Variants in USP12 observed in about 807,000 individuals in gnomAD.
USP12 encodes the protein ubiquitin carboxyl-terminal hydrolase 12.
In USP12, 19 loss-of-function variants were observed where a neutral mutation model predicts 45.5. The observed-to-expected ratio is 0.42, with a 90% CI of 0.29 to 0.61. USP12 has a LOEUF of 0.61. Among genes scored for constraint, USP12 ranks in the 20% least tolerant of loss-of-function variants. USP12 has a pLI of 0.22. For missense variants in USP12, 242 were observed against 447.7 expected, an observed-to-expected ratio of 0.54 and a Z score of 4.15; for synonymous variants, 149 against 148.8, an observed-to-expected ratio of 1.00 and a Z score of -0.01.
intron 1 of USP12, among the ~76,000 whole-genome samples, chr13:27,124,132 CAACT>C (rs1037132996): frequency 5.9e-5 from 9 of 152,140 alleles, no homozygotes; most frequent in African/African-American, 2.2e-4. Flanking sequence ...GGAAAACATA[CAACT>C]AACTACCTTT....
chr13:27,090,623 T>C (rs1265406856), intron 4 of USP12, among the ~76,000 whole-genome samples: 1 of 152,216 alleles, frequency 6.6e-6, no homozygotes, highest in African/African-American at 2.4e-5. Context: ...AAATTTAATA[T>C]AAAGTTTTGT....
intron 1 of USP12, among the ~76,000 whole-genome samples, chr13:27,121,493 T>C (rs893931114): frequency 6.6e-6 from 1 of 151,918 alleles, no homozygotes; most frequent in African/African-American, 2.4e-5. Context: ...AGTCAAAAAT[T>C]ACAAAAACAC....
chr13:27,087,775 C>A (rs757497921), intron 6 of USP12, among the ~76,000 whole-genome samples: 2 of 152,130 alleles, frequency 1.3e-5, no homozygotes, highest in Non-Finnish European at 2.9e-5. Flanking sequence ...CTGGGCACAT[C>A]AAGAAGAGAG....
At chr13:27,170,372 A>T (rs1878534756) in intron 1 of USP12, 5 of 398,410 alleles carry the variant, frequency 1.3e-5, no homozygotes, top group Non-Finnish European at 2.2e-5. Flanking sequence ...TAGATGGAAA[A>T]TTTCTTGGGG....
chr13:27,080,464 T>C (rs1873698439), intron 6 of USP12, among the ~76,000 whole-genome samples: 1 of 152,162 alleles, frequency 6.6e-6, no homozygotes, highest in Non-Finnish European at 1.5e-5. Context: ...ACTGTGGCCA[T>C]GACAATGTGA....
intron 6 of USP12, among the ~76,000 whole-genome samples, chr13:27,082,374 G>A (rs2137761758): frequency 6.6e-6 from 1 of 152,252 alleles, no homozygotes; most frequent in Middle Eastern, 3.4e-3. Flanking sequence ...AGCCTTCATA[G>A]AACTGAAGAC....
intron 3 of USP12, among the ~76,000 whole-genome samples, chr13:27,097,720 G>C (rs1593182464): frequency 6.6e-6 from 1 of 152,260 alleles, no homozygotes; most frequent in East Asian, 1.9e-4. Context: ...CTGGGAGGAA[G>C]ATTAAAAGTG....
At position 27,105,720 on chromosome 13, in the gene USP12, A is replaced by G. The variant is rs1400565885; in HGVS notation, c.343+11T>C. 6.2e-7 allele frequency: 1 copy of G among 1,610,566 alleles called. No homozygotes were observed. Among genetic ancestry groups the G allele is most frequent in the Non-Finnish European group, 8.5e-7 (1 of 1,177,392 alleles). On this transcript the variant is annotated intron_variant, in intron 3 of 8. Coordinates refer to ENST00000282344, the MANE Select transcript of USP12 (RefSeq NM_182488.4). ...CTAGTATGTCATTAATACAGTGGGA[A>G]GTAGAATTACCATTTTCTTTCCGTA...
chr13:27,168,778 A>C (rs181322401), intron 1 of USP12, among the ~76,000 whole-genome samples: 147 of 152,378 alleles, frequency 9.6e-4, no homozygotes, highest in Non-Finnish European at 1.5e-3. Context: ...CTAGTGATCT[A>C]AAATAAGACA....
At chr13:27,090,039 AAAAAT>A (rs748933000) in intron 5 of USP12, 38 bp downstream of exon 5, 1 of 1,572,344 alleles carries the variant, frequency 6.4e-7, no homozygotes, top group South Asian at 1.2e-5. Context: ...ATTCCAGACT[AAAAAT>A]AATTATTAAA....
At chr13:27,157,629 T>C (rs1017848562) in intron 1 of USP12, among the ~76,000 whole-genome samples, 1 of 152,224 alleles carries the variant, frequency 6.6e-6, no homozygotes, top group African/African-American at 2.4e-5. Flanking sequence ...AAACATTAAA[T>C]CATGTAAGTA....
At chr13:27,151,973 A>G (rs972111564) in intron 1 of USP12, among the ~76,000 whole-genome samples, 2 of 152,146 alleles carry the variant, frequency 1.3e-5, no homozygotes, top group Non-Finnish European at 2.9e-5. Context: ...CACACCCAAA[A>G]TGGAATGGCT....
chr13:27,094,529 C>T (rs1874474227), intron 4 of USP12, among the ~76,000 whole-genome samples: 1 of 152,046 alleles, frequency 6.6e-6, no homozygotes, highest in African/African-American at 2.4e-5. Flanking sequence ...TGGAGAAACA[C>T]CACCACCTTG....
chr13:27,113,710 C>T (rs575593760), intron 2 of USP12, among the ~76,000 whole-genome samples: 8 of 152,186 alleles, frequency 5.3e-5, no homozygotes, highest in Admixed American at 1.3e-4. Flanking sequence ...GGGCTGGACG[C>T]TTGGTACAGT....
chr13:27,163,159 T>G (rs1878191386), intron 1 of USP12, among the ~76,000 whole-genome samples: 1 of 152,238 alleles, frequency 6.6e-6, no homozygotes, highest in Admixed American at 6.5e-5. Context: ...CCAACTCCAT[T>G]GTTTCTTATA....
intron 1 of USP12, among the ~76,000 whole-genome samples, chr13:27,122,151 G>A (rs544274486): frequency 1.8e-4 from 28 of 152,058 alleles, no homozygotes; most frequent in African/African-American, 3.6e-4. Flanking sequence ...GCGAAACCCC[G>A]TGATATGGTT....
chr13:27,079,336 A>C lies in USP12; in HGVS notation c.735-3948T>G, dbSNP rs143845136. On this transcript the variant is annotated intron_variant, in intron 6 of 8. Coordinates refer to ENST00000282344, the MANE Select transcript of USP12 (RefSeq NM_182488.4). ...AACCCCAGAGTCTAAATTTCACCTCAGATTTCTCTTGACCACAAGGTAGCT... is the reference window on the plus strand; with the variant it reads ...AACCCCAGAGTCTAAATTTCACCTCCGATTTCTCTTGACCACAAGGTAGCT... 4.0e-3 allele frequency among the ~76,000 whole-genome samples: 604 copies of C among 152,306 alleles called. 5 individuals carry two copies. The highest frequency in any genetic ancestry group is 0.014 in the African/African-American group (565 of 41,558).
chr13:27,100,702 T>C (rs1874825311), intron 3 of USP12, among the ~76,000 whole-genome samples: 2 of 152,158 alleles, frequency 1.3e-5, no homozygotes. Flanking sequence ...CTCAAACAGG[T>C]CCACTAAGGC....
intron 1 of USP12, among the ~76,000 whole-genome samples, chr13:27,143,656 A>G (rs1333173993): frequency 6.6e-6 from 1 of 152,198 alleles, no homozygotes; most frequent in African/African-American, 2.4e-5. Context: ...CAAATCATCA[A>G]ATTCAGCATC....
Sources: gnomAD v4.1 joint callset for allele counts (sites outside exome capture counted in the v4.1 genomes callset) on GRCh38, gnomAD v4.1.1 for gene constraint, MANE v1.5 for transcripts, NCBI Gene and HGNC (gene_info 2026-07-23, HGNC 2026-07-21) for gene names.